TIAM1: variants seen among roughly 807,000 people sequenced by gnomAD.
TIAM1 encodes TIAM Rac1 associated GEF 1.
Under a neutral mutation model 163.5 loss-of-function variants are expected in TIAM1, and 65 were observed. That is an observed-to-expected ratio of 0.40 (90% CI 0.33 to 0.49). TIAM1 has a LOEUF of 0.49. Among genes scored for constraint, TIAM1 ranks in the 20% least tolerant of loss-of-function variants. The pLI is 0.77. For missense variants in TIAM1, 1,789 were observed against 2,044.7 expected (o/e 0.87, Z 2.41); for synonymous variants, 833 against 810.1 (o/e 1.03, Z -0.48).
chr21:31,463,875 A>G (rs960910426), intron 2 of TIAM1: 4 of 152,102 alleles, frequency 2.6e-5, no homozygotes, highest in African/African-American at 9.7e-5. Flanking sequence ...TTGGGGCTAG[A>G]TAATAGACAA....
chr21:31,401,241 A>G (rs976947638), intron 2 of TIAM1, among the ~76,000 whole-genome samples: 6 of 152,232 alleles, frequency 3.9e-5, no homozygotes, highest in Non-Finnish European at 8.8e-5. Flanking sequence ...CTAAATATTC[A>G]TTGGTGATGT....
intron 2 of TIAM1, among the ~76,000 whole-genome samples, chr21:31,387,656 C>T (rs1450648663): frequency 6.8e-6 from 1 of 147,696 alleles, no homozygotes; most frequent in Admixed American, 6.7e-5. Context: ...GGACTTCTCT[C>T]TACGGCTGCG....
intron 2 of TIAM1, among the ~76,000 whole-genome samples, chr21:31,408,893 C>A (rs537018003): frequency 3.4e-4 from 51 of 152,142 alleles, no homozygotes; most frequent in Non-Finnish European, 6.5e-4. Flanking sequence ...AGAAGTGGGG[C>A]AATCTATGGT....
At chr21:31,501,391 G>C (rs894137981) in intron 1 of TIAM1, among the ~76,000 whole-genome samples, 1 of 152,102 alleles carries the variant, frequency 6.6e-6, no homozygotes, top group Non-Finnish European at 1.5e-5. Context: ...AGAGAAGGGG[G>C]AGAGAGTCAA....
intron 2 of TIAM1, among the ~76,000 whole-genome samples, chr21:31,354,607 G>C (rs2076285628): frequency 6.6e-6 from 1 of 152,056 alleles, no homozygotes. Flanking sequence ...AATACATACT[G>C]AACAGAATCT....
intron 22 of TIAM1, among the ~76,000 whole-genome samples, chr21:31,138,957 A>G (rs1293653630): frequency 6.6e-6 from 1 of 152,206 alleles, no homozygotes; most frequent in Non-Finnish European, 1.5e-5. Flanking sequence ...CCTCCTCTTC[A>G]GTCCTGGTAC....
At chr21:31,241,260 C>A (rs1210251028) in intron 6 of TIAM1, among the ~76,000 whole-genome samples, 1 of 152,116 alleles carries the variant, frequency 6.6e-6, no homozygotes, top group Non-Finnish European at 1.5e-5. Context: ...ATGTATAAGG[C>A]TGTCCACAAG....
At chr21:31,375,304 C>T (rs2076664868) in intron 2 of TIAM1, among the ~76,000 whole-genome samples, 1 of 152,166 alleles carries the variant, frequency 6.6e-6, no homozygotes, top group Admixed American at 6.5e-5. Flanking sequence ...CATCTACCTC[C>T]AGGCAAATGT....
Position 31,505,634 on chromosome 21 carries a change from CT to C in TIAM1, c.-421-41600del, listed in dbSNP as rs368079204. Among the ~76,000 whole-genome samples, 207 of 152,260 alleles carry C rather than the reference CT, an allele frequency of 1.4e-3. No individual in the cohort carries two copies. The Middle Eastern group carries it at 0.037, about 28-fold the overall frequency. On this transcript the variant is annotated intron_variant, in intron 1 of 28. Coordinates refer to the TIAM1 transcript ENST00000286827. ...AAAATCAGTGGATCAGCATTACCGT[CT>C]TAGATGTTTAAAGCCTCTGAAGTTT...
rs528493271 is a variant in TIAM1, at chr21:31,176,938, A to G, written c.2887+5483T>C. Among the ~76,000 whole-genome samples the G allele has an allele frequency of 3.3e-5, 5 of 152,296 alleles. No individual in the cohort carries two copies. The East Asian group carries it at 9.7e-4, about 29-fold the overall frequency. Reference sequence around the variant, plus strand: ...CAGGAACCTCAGCATTCTAGACTACAGCATTCAGTTCTTTCTACTCGAGAA... The same window carrying G: ...CAGGAACCTCAGCATTCTAGACTACGGCATTCAGTTCTTTCTACTCGAGAA... On this transcript the variant is annotated intron_variant, in intron 15 of 27. Coordinates refer to ENST00000541036, the MANE Select transcript of TIAM1 (RefSeq NM_001353694.2).
rs1482219767 is a variant in TIAM1 at position 31,120,483 on chromosome 21, T to C, written c.4661A>G (p.Lys1554Arg). The C allele has an allele frequency of 2.5e-6, 4 of 1,614,260 alleles. No individual in the cohort carries two copies. The South Asian group carries it at 3.3e-5, about 13-fold the overall frequency. ...DSHASRMAQL[K>R]KQAALSGING... ...GATCCCCGACAGGGCAGCTTGCTTC[T>C]TGAGCTGTGCCATGCGGGACGCGTG... The change falls in exon 28 of 28, where the codon AAG (lysine) becomes AGG (arginine). Residue 1554 changes from lysine (K) to arginine (R), a missense_variant. This residue lies in a region of TIAM1 where 415 missense variants were observed against 439.2 expected (regional missense o/e 0.94). Coordinates refer to ENST00000541036, the MANE Select transcript of TIAM1 (RefSeq NM_001353694.2). The surrounding 1 kb of genome is among the most constrained non-coding windows in gnomAD (Gnocchi z 4.2).
At chr21:31,223,658 C>A in intron 7 of TIAM1, 67 bp from the exon 8 acceptor site, 2 of 1,471,042 alleles carry the variant, frequency 1.4e-6, no homozygotes, top group Non-Finnish European at 9.2e-7. Context: ...ATATCTTTAT[C>A]CTATACAGAT....
intron 2 of TIAM1, among the ~76,000 whole-genome samples, chr21:31,310,443 C>A (rs1410574879): frequency 6.6e-6 from 1 of 152,170 alleles, no homozygotes; most frequent in African/African-American, 2.4e-5. Context: ...CACTGAAATT[C>A]CGGGTTGTGC....
chr21:31,319,779 C>CAA (rs34265205), intron 2 of TIAM1, among the ~76,000 whole-genome samples: 1,914 of 101,140 alleles, frequency 0.019, 16 homozygotes, highest in African/African-American at 0.029. Flanking sequence ...GACTCTATCT[C>CAA]AAAAAAAAAA....
At chr21:31,189,808 TAAAGAA>T (rs1568995959) in intron 13 of TIAM1, among the ~76,000 whole-genome samples, 1 of 152,058 alleles carries the variant, frequency 6.6e-6, no homozygotes, top group African/African-American at 2.4e-5. Context: ...TGAACAAATA[TAAAGAA>T]AATTATGAAA....
At chr21:31,149,933 C>T (rs1320278438) in intron 19 of TIAM1, among the ~76,000 whole-genome samples, 1 of 152,070 alleles carries the variant, frequency 6.6e-6, no homozygotes, top group Non-Finnish European at 1.5e-5. Flanking sequence ...TATTATTGTG[C>T]CTACAACTTT....
At chr21:31,154,541 G>T (rs1171362570) in intron 16 of TIAM1, 115 bp from the exon 17 acceptor site, 1 of 1,063,342 alleles carries the variant, frequency 9.4e-7, no homozygotes, top group Non-Finnish European at 1.3e-6. Flanking sequence ...ACATATGAAT[G>T]TCGTCTTGTG....
At position 31,130,936 on chromosome 21, in the gene TIAM1, G is replaced by T. The variant is rs962156996; in HGVS notation, c.3896C>A (p.Ala1299Asp). ...PELAAFVFKT[A>D]VVLVYKDGSK... ...ACCATCTTTATACACAAGGACCACA[G>T]CAGTTTTGAAGACTGGAAAAAATAA... Residue 1299 changes from alanine to aspartate, a missense_variant, in exon 24 of 28, where the codon GCT (alanine) becomes GAT (aspartate). Coordinates refer to ENST00000541036, the MANE Select transcript of TIAM1 (RefSeq NM_001353694.2). The T allele has an allele frequency of 1.9e-6, 3 of 1,613,932 alleles. No homozygotes were observed. The highest frequency in any genetic ancestry group is 1.7e-6 in the Non-Finnish European group (2 of 1,179,966).
At chr21:31,471,500 C>T (rs7280966) in intron 1 of TIAM1, among the ~76,000 whole-genome samples, 32,805 of 152,042 alleles carry the variant, frequency 0.22, 3,755 homozygotes, top group South Asian at 0.27. Context: ...GGGGTGATCA[C>T]GGGTACAAAC....
Sources: gnomAD v4.1 joint callset for allele counts (sites outside exome capture counted in the v4.1 genomes callset) on GRCh38, gnomAD v4.1.1 for gene constraint, gnomAD v4.1.1 regional missense constraint, Gnocchi (gnomAD v3.1) non-coding constraint, MANE v1.5 for transcripts, NCBI Gene and HGNC (gene_info 2026-07-23, HGNC 2026-07-21) for gene names.